The following ODF2L variants were observed in gnomAD, a reference collection of about 807,000 sequenced individuals.
ODF2L encodes the protein protein BCAP.
In ODF2L, 76 loss-of-function variants were observed where a neutral mutation model predicts 86.3. The ratio of observed to expected loss-of-function variants is 0.88; its 90% CI spans 0.73 to 1.07. The LOEUF is 1.07. Ranked by LOEUF, ODF2L falls within the 50% of genes least tolerant of loss-of-function variation. The probability of loss-of-function intolerance (pLI) is 0.00; values close to 1 mark genes in which losing one functional copy is unlikely to be tolerated. For synonymous variants in ODF2L, 241 were observed against 231.3 expected (o/e 1.04, Z -0.38); for missense variants, 748 against 717.4 (o/e 1.04, Z -0.49).
At chr1:86,394,529 G>C (rs1453585881) in intron 1 of ODF2L, among the ~76,000 whole-genome samples, 1 of 151,936 alleles carries the variant, frequency 6.6e-6, no homozygotes, top group East Asian at 1.9e-4. Context: ...GTTCAATTTA[G>C]ATTCAAAAGA....
intron 14 of ODF2L, 42 bp from the exon 14 acceptor site, chr1:86,354,901 A>G: frequency 9.3e-7 from 1 of 1,069,834 alleles, no homozygotes; most frequent in South Asian, 1.4e-5. Flanking sequence ...TTTCTTCACA[A>G]TCAACTTCCA....
chr1:86,379,997 T>C (rs1660452921), intron 7 of ODF2L, among the ~76,000 whole-genome samples: 1 of 152,196 alleles, frequency 6.6e-6, no homozygotes. Context: ...TTTAAGACTG[T>C]GTACTTAAAG....
chr1:86,357,346 C>T (rs575285009), intron 13 of ODF2L, among the ~76,000 whole-genome samples: 9 of 150,634 alleles, frequency 6.0e-5, no homozygotes, highest in Admixed American at 5.3e-4. Context: ...AAAGATAATG[C>T]AGTATTTTTT....
chr1:86,376,814 C>T (rs1474440423), intron 7 of ODF2L, among the ~76,000 whole-genome samples: 6 of 152,126 alleles, frequency 3.9e-5, no homozygotes, highest in Admixed American at 6.5e-5. Flanking sequence ...CAGGTCTCTC[C>T]CTAGACATGT....
chr1:86,368,004 A>G (rs570595182), intron 11 of ODF2L, among the ~76,000 whole-genome samples: 1 of 152,324 alleles, frequency 6.6e-6, no homozygotes, highest in South Asian at 2.1e-4. Flanking sequence ...AATTGTCTGA[A>G]CCATGTAAAA....
rs1456715971 is a variant in ODF2L, at chr1:86,357,731, T to C, written c.1359+1056A>G. Reference sequence around the variant, plus strand: ...AACCAGGAGACTTAAAACAGTGAAGTAAGAAAAAGAAAAATTTCATTAAAA... The same window carrying C: ...AACCAGGAGACTTAAAACAGTGAAGCAAGAAAAAGAAAAATTTCATTAAAA... On this transcript the variant is annotated intron_variant, in intron 13 of 17. Coordinates refer to ENST00000317336, the Ensembl canonical transcript of ODF2L. 3.1e-6 allele frequency: 3 copies of C among 977,152 alleles called. No homozygotes were observed. In the African/African-American group the frequency reaches 5.3e-5, roughly 17 times the overall value. 60.5% of individuals were successfully genotyped at this position (977,152 alleles called of 1,614,324 possible).
intron 14 of ODF2L, chr1:86,355,920 T>TA (rs1558006936): frequency 1.9e-5 from 3 of 160,590 alleles, no homozygotes; most frequent in Non-Finnish European, 2.7e-5. Flanking sequence ...TTTCATTAAT[T>TA]AAAAAAATAT....
At position 86,362,763 on chromosome 1, in the gene ODF2L, G is replaced by A. The variant is rs976546962; in HGVS notation, c.1144-2227C>T. Among the ~76,000 whole-genome samples the A allele has an allele frequency of 3.3e-5, 5 of 152,088 alleles. No individual in the cohort carries two copies. In the East Asian group the frequency reaches 7.7e-4, roughly 23 times the overall value. Reference sequence around the variant, plus strand: ...CAGCCTCTGCCTCCTGGGTTCAAGCGATTCTCCTGCCTCAGCCTCCCCAGT... The same window carrying A: ...CAGCCTCTGCCTCCTGGGTTCAAGCAATTCTCCTGCCTCAGCCTCCCCAGT... On this transcript the variant is annotated intron_variant, in intron 11 of 17. Coordinates refer to ENST00000317336, the Ensembl canonical transcript of ODF2L.
intron 10 of ODF2L, among the ~76,000 whole-genome samples, chr1:86,370,132 A>G (rs1348640743): frequency 6.6e-6 from 1 of 152,038 alleles, no homozygotes; most frequent in East Asian, 1.9e-4. Flanking sequence ...AATCAAGAAA[A>G]AAAAAAGCCT....
rs1453834058 is a variant in ODF2L at position 86,352,195 on chromosome 1, G to A, written c.1907C>T (p.Pro636Leu). Residue 636 changes from proline to leucine, a missense_variant, in exon 18 of 18, where the codon CCA becomes CTA. By Grantham distance (98) the Pro-to-Leu change is moderately conservative. Coordinates refer to ENST00000317336, the Ensembl canonical transcript of ODF2L. ...TGGGAATTAAAAAAATAGATTTCAT[G>A]GAGTCTCTGGATCCTGGAAAAAACA... The A allele has an allele frequency of 4.0e-6, 6 of 1,512,822 alleles. No homozygotes were observed. The highest frequency in any genetic ancestry group is 5.3e-6 in the Non-Finnish European group (6 of 1,128,832). The allele number at this position is 1,512,822 out of a possible 1,614,324, so 93.7% of individuals were successfully genotyped here.
At chr1:86,358,852 T>C (rs780236200) in exon 13 of ODF2L, 2 of 1,551,606 alleles carry the variant, frequency 1.3e-6, no homozygotes, top group East Asian at 2.4e-5. Context: ...TTTTCACATC[T>C]GCTTTTTACT....
intron 11 of ODF2L, among the ~76,000 whole-genome samples, chr1:86,363,650 C>T (rs1659196707): frequency 6.6e-6 from 1 of 151,626 alleles, no homozygotes; most frequent in South Asian, 2.1e-4. Context: ...CTGGAAGTAG[C>T]TATTGGAAGT....
chr1:86,347,242 C>A (rs1657851095), downstream of ODF2L: 2 of 152,198 alleles, frequency 1.3e-5, no homozygotes, highest in African/African-American at 4.8e-5. Context: ...CTGCCTCTTT[C>A]AACATCTGTC....
At chr1:86,375,337 G>A (rs2101087956) in intron 8 of ODF2L, among the ~76,000 whole-genome samples, 1 of 152,224 alleles carries the variant, frequency 6.6e-6, no homozygotes, top group East Asian at 1.9e-4. Context: ...AAACACATGA[G>A]ATAGGGAGTA....
chr1:86,380,205 C>G (rs904600558), intron 7 of ODF2L, among the ~76,000 whole-genome samples: 1 of 152,032 alleles, frequency 6.6e-6, no homozygotes, highest in Non-Finnish European at 1.5e-5. Context: ...CAACTTAACT[C>G]TACAATCATC....
In ODF2L at chr1:86,356,555, G is replaced by A. The variant is rs992139678; in HGVS notation, c.1407C>T (p.Cys469=). Residue 469 remains cysteine (C), a synonymous_variant, in exon 14 of 18, where the codon TGC becomes TGT. Transcript: ENST00000317336. ...TCCGTTCCGCCGCCGTCAAGGAATC[G>A]CAGACACGCTCTAACTCCTTCAGAT... 5.6e-6 allele frequency: 9 copies of A among 1,613,822 alleles called. No individual in the cohort carries two copies. In the Admixed American group the frequency reaches 1.0e-4, roughly 18 times the overall value.
chr1:86,352,876 CA>C lies in ODF2L; in HGVS notation c.1875del (p.Val626PhefsTer4), dbSNP rs1658246019. ...ATACTTACACTGTTCATTTTGCAAACAAGTTGATTTTGTTCTTCATTTTTCT... is the reference window on the plus strand; with the variant it reads ...ATACTTACACTGTTCATTTTGCAAACAGTTGATTTTGTTCTTCATTTTTCT... On this transcript the variant is annotated frameshift_variant, in exon 17 of 18. Transcript: ENST00000317336. LOFTEE classifies it high-confidence loss of function. The C allele has an allele frequency of 6.5e-7, 1 of 1,539,920 alleles. No homozygotes were observed. The highest frequency in any genetic ancestry group is 8.9e-7 in the Non-Finnish European group (1 of 1,121,872).
intron 17 of ODF2L, 52 bp downstream of exon 16, chr1:86,352,807 A>G: frequency 5.4e-6 from 6 of 1,117,430 alleles, no homozygotes; most frequent in Non-Finnish European, 7.7e-6. Flanking sequence ...TCTACATGGT[A>G]AGAATGTTAA....
At chr1:86,361,292 G>A (rs1353668256) in intron 11 of ODF2L, among the ~76,000 whole-genome samples, 1 of 152,168 alleles carries the variant, frequency 6.6e-6, no homozygotes, top group East Asian at 1.9e-4. Context: ...AGTTCCCACA[G>A]AGCAACCCAG....
Sources: allele counts gnomAD v4.1 joint callset (sites outside exome capture counted in the v4.1 genomes callset), GRCh38; gene constraint gnomAD v4.1.1; transcripts MANE v1.5; gene names NCBI Gene and HGNC (gene_info 2026-07-23, HGNC 2026-07-21).